TNC: variants seen among roughly 807,000 people sequenced by gnomAD.
The protein encoded by TNC is tenascin C, also known as tenascin.
In TNC, 109 loss-of-function variants were observed where a neutral mutation model predicts 202.4. The observed-to-expected ratio is 0.54, with a 90% CI of 0.46 to 0.63. The LOEUF is 0.63. TNC is among the 30% of genes least tolerant of loss of function. The probability of loss-of-function intolerance (pLI) is 0.00; values close to 1 mark genes in which losing one functional copy is unlikely to be tolerated. For synonymous variants in TNC, 1,007 were observed against 1,089.7 expected, an observed-to-expected ratio of 0.92 and a Z score of 1.50; for missense variants, 2,756 against 2,833.3, an observed-to-expected ratio of 0.97 and a Z score of 0.62.
In TNC at chr9:115,046,500, C is replaced by T. The variant is rs755283024; in HGVS notation, c.5035G>A (p.Gly1679Ser). 6.2e-7 allele frequency: 1 copy of T among 1,614,174 alleles called. No individual in the cohort carries two copies. The highest frequency in any genetic ancestry group is 1.3e-5 in the African/African-American group (1 of 75,048). The change falls in exon 17 of 28, where the codon GGT becomes AGT. Residue 1679 changes from glycine (G) to serine (S), a missense_variant. Gly to Ser is a moderately conservative substitution (Grantham distance 56, BLOSUM62 0). This residue lies in a region of TNC where 2,559 missense variants were observed against 2,546.0 expected (regional missense o/e 1.01). Transcript: ENST00000350763. ...LAPERTRDIT[G>S]LREATEYEIE... ...TCGTATTCAGTAGCCTCTCTGAGACCTGTTATGTCCCTGGTACGTTCGGGG... is the reference window on the plus strand; with the variant it reads ...TCGTATTCAGTAGCCTCTCTGAGACTTGTTATGTCCCTGGTACGTTCGGGG...
intron 14 of TNC, among the ~76,000 whole-genome samples, chr9:115,058,066 C>T (rs1187864046): frequency 6.6e-6 from 1 of 152,174 alleles, no homozygotes; most frequent in Non-Finnish European, 1.5e-5. Flanking sequence ...AGCTTGTCCT[C>T]TCTTAACTGC....
chr9:115,022,976 C>T (rs1378889774), intron 27 of TNC, among the ~76,000 whole-genome samples: 5 of 150,938 alleles, frequency 3.3e-5, no homozygotes, highest in East Asian at 1.9e-4. Flanking sequence ...TGTCAGGAAT[C>T]GCTTGTGGAG....
Position 115,091,024 on chromosome 9 carries a change from A to T in TNC, c.-6T>A, listed in dbSNP as rs1835191660. 6.2e-7 allele frequency: 1 copy of T among 1,607,068 alleles called. No homozygotes were observed. Among genetic ancestry groups the T allele is most frequent in the Non-Finnish European group, 8.5e-7 (1 of 1,179,300 alleles). On this transcript the variant is annotated 5_prime_UTR_variant, in exon 2 of 28. Coordinates refer to ENST00000350763, the MANE Select transcript of TNC (RefSeq NM_002160.4). ...AGCTGAGTCATGGCCCCCATGGTGG[A>T]GGTGGGTTTGGCTGGGTGCTGCTGG... is the stretch of plus-strand genomic sequence containing the variant.
At position 115,029,416 on chromosome 9, in the gene TNC, T is replaced by C. The variant is rs146598569; in HGVS notation, c.6113A>G (p.Gln2038Arg). ...TCCAGCAGCATATGCCTTCCAGTTT[T>C]GGTAGAAGTTCTCGCGTCCGTTTTT... ...RRKNGRENFY[Q>R]NWKAYAAGFG... The change falls in exon 25 of 28, where the codon CAA (glutamine) becomes CGA (arginine). Residue 2038 changes from glutamine (Q) to arginine (R), a missense_variant. Transcript: ENST00000350763. 4 of 1,614,158 alleles carry C rather than the reference T, an allele frequency of 2.5e-6. No individual in the cohort carries two copies. Among genetic ancestry groups the C allele is most frequent in the South Asian group, 1.1e-5 (1 of 91,078 alleles).
At position 115,086,361 on chromosome 9, in the gene TNC, T is replaced by G. The variant is rs1367300613; in HGVS notation, c.1370A>C (p.Glu457Ala). ...GCAGTCATAGCCCTTGAAGCCTTGC[T>G]CACATACACATTTGCCCTCGACACA... ...GRCVEGKCVC[E>A]QGFKGYDCSD... The change falls in exon 3 of 28, where the codon GAG (glutamate) becomes GCG (alanine). Residue 457 changes from glutamate to alanine, a missense_variant. Physicochemically the swap from Glu to Ala is moderately radical, Grantham distance 107. This residue lies in a region of TNC where 2,559 missense variants were observed against 2,546.0 expected (regional missense o/e 1.01). Coordinates refer to ENST00000350763, the MANE Select transcript of TNC (RefSeq NM_002160.4). 3 of 1,613,998 alleles carry G rather than the reference T, an allele frequency of 1.9e-6. No homozygotes were observed. The highest frequency in any genetic ancestry group is 1.3e-5 in the African/African-American group (1 of 74,922).
At chr9:115,079,160 T>C (rs1302939002) in intron 6 of TNC, among the ~76,000 whole-genome samples, 3 of 152,046 alleles carry the variant, frequency 2.0e-5, no homozygotes, top group South Asian at 2.1e-4. Context: ...TCTTTTAAAT[T>C]CCCAGCAGAG....
Position 115,084,269 on chromosome 9 carries a change from G to A in TNC, c.2071C>T (p.Arg691Cys), listed in dbSNP as rs753910681. 5.6e-6 allele frequency: 9 copies of A among 1,613,978 alleles called. No individual in the cohort carries two copies. The highest frequency in any genetic ancestry group is 5.0e-5 in the Admixed American group (3 of 60,002). ...ELEPGVEYFI[R>C]VFAILENKKS... ...TTGTTCTCCAGGATGGCAAATACACGGATAAAGTACTCCACACCAGGCTCC... is the reference window on the plus strand; with the variant it reads ...TTGTTCTCCAGGATGGCAAATACACAGATAAAGTACTCCACACCAGGCTCC... Residue 691 changes from arginine (R) to cysteine (C), a missense_variant, in exon 4 of 28, where the codon CGT becomes TGT. Arg to Cys is a radical substitution (Grantham distance 180). This residue lies in a region of TNC where 2,559 missense variants were observed against 2,546.0 expected (regional missense o/e 1.01). Transcript: ENST00000350763.
chr9:115,117,557 ACTC>A (rs1485801805), intron 1 of TNC, among the ~76,000 whole-genome samples: 1 of 152,036 alleles, frequency 6.6e-6, no homozygotes, highest in East Asian at 1.9e-4. Flanking sequence ...TTCTCCCTGC[ACTC>A]CTCTATCAAA....
Position 115,082,688 on chromosome 9 carries a change from T to C in TNC, c.2247+4A>G, listed in dbSNP as rs1442336596. On this transcript the variant is annotated splice_donor_region_variant and intron_variant, in intron 5 of 27. Coordinates refer to ENST00000350763, the MANE Select transcript of TNC (RefSeq NM_002160.4). ...AAATGGATCTGCTCTTTTGTACTCC[T>C]TACCATATTCCGGAAGATGATCTCC... 1 of 1,598,648 alleles carries C rather than the reference T, an allele frequency of 6.3e-7. No homozygotes were observed. The highest frequency in any genetic ancestry group is 8.6e-7 in the Non-Finnish European group (1 of 1,165,982).
intron 6 of TNC, among the ~76,000 whole-genome samples, 198 bp downstream of exon 6, chr9:115,081,574 T>TA (rs1834307164): frequency 6.6e-6 from 1 of 152,170 alleles, no homozygotes; most frequent in South Asian, 2.1e-4. Flanking sequence ...CAAGAACAGA[T>TA]AAGCTGCTCA....
chr9:115,103,748 A>T (rs945271286), intron 1 of TNC, among the ~76,000 whole-genome samples: 4 of 152,194 alleles, frequency 2.6e-5, no homozygotes, highest in Non-Finnish European at 5.9e-5. Flanking sequence ...GGCCAACATT[A>T]AGTACAAACC....
intron 1 of TNC, among the ~76,000 whole-genome samples, chr9:115,109,243 A>G (rs1248988543): frequency 6.6e-6 from 1 of 152,232 alleles, no homozygotes; most frequent in Non-Finnish European, 1.5e-5. Flanking sequence ...AACAATGACA[A>G]CAACAAAACA....
At position 115,073,628 on chromosome 9, in the gene TNC, C is replaced by A. The variant is rs1255023169; in HGVS notation, c.3189G>T (p.Lys1063Asn). The change falls in exon 10 of 28, where the codon AAG becomes AAT. Residue 1063 changes from lysine (K) to asparagine (N), a missense_variant. By Grantham distance (94) the Lys-to-Asn change is moderately conservative. This residue lies in a region of TNC where 2,559 missense variants were observed against 2,546.0 expected (regional missense o/e 1.01). Coordinates refer to ENST00000350763, the MANE Select transcript of TNC (RefSeq NM_002160.4). ...CAGTGGATGCCTTCACACGTGCGGG[C>A]TTGCTCTTGTGTCTGCCTTTCTCGG... ...LTAEKGRHKSKPARVKASTEQ... is the reference protein window; with the variant it reads ...LTAEKGRHKSNPARVKASTEQ... 6.2e-7 allele frequency: 1 copy of A among 1,614,120 alleles called. No individual in the cohort carries two copies. The highest frequency in any genetic ancestry group is 1.1e-5 in the South Asian group (1 of 91,080).
rs1479758200 is a variant in TNC, at chr9:115,090,436, G to C, written c.457+126C>G. Reference sequence around the variant, plus strand: ...ACTTATTTGAACATAAAATCTCTTTGTAATGAACACTCTGGGAAGCTAGTT... The same window carrying C: ...ACTTATTTGAACATAAAATCTCTTTCTAATGAACACTCTGGGAAGCTAGTT... On this transcript the variant is annotated intron_variant, in intron 2 of 27. Transcript: ENST00000350763. 8 of 731,112 alleles carry C rather than the reference G, an allele frequency of 1.1e-5. No individual in the cohort carries two copies. In the South Asian group the frequency reaches 1.7e-4, roughly 15 times the overall value. 45.3% of individuals were successfully genotyped at this position (731,112 alleles called of 1,614,324 possible).
intron 7 of TNC, 116 bp downstream of exon 7, chr9:115,077,827 A>G: frequency 5.6e-6 from 6 of 1,071,054 alleles, no homozygotes; most frequent in Non-Finnish European, 8.0e-6. Flanking sequence ...GAGTAGAAAT[A>G]CCCCTTTCAT....
At chr9:115,076,786 T>TG (rs1439913181) in intron 7 of TNC, among the ~76,000 whole-genome samples, 3 of 152,220 alleles carry the variant, frequency 2.0e-5, no homozygotes, top group Non-Finnish European at 4.4e-5. Flanking sequence ...GTGCGACACT[T>TG]TAGTCATTTG....
chr9:115,048,298 C>T lies in TNC; in HGVS notation c.4814G>A (p.Gly1605Glu). ...YEVMVSGFTQ[G>E]HQTKPLRAEI... ...AGCCCTCAAGGGCTTGGTTTGATGC[C>T]CTTGGGTGAAGCCAGAGACCATAAC... Residue 1605 changes from glycine (G) to glutamate (E), a missense_variant, in exon 16 of 28, where the codon GGG (glycine) becomes GAG (glutamate). Coordinates refer to ENST00000350763, the MANE Select transcript of TNC (RefSeq NM_002160.4). 1 of 1,613,952 alleles carries T rather than the reference C, an allele frequency of 6.2e-7. No individual in the cohort carries two copies. The highest frequency in any genetic ancestry group is 1.1e-5 in the South Asian group (1 of 91,064).
At chr9:115,090,384 C>T (rs1835127372) in intron 2 of TNC, among the ~76,000 whole-genome samples, 178 bp downstream of exon 2, 1 of 152,176 alleles carries the variant, frequency 6.6e-6, no homozygotes, top group African/African-American at 2.4e-5. Flanking sequence ...CTCCTCCAAG[C>T]AGGAGAGAGA....
chr9:115,039,898 C>T (rs769954440), intron 19 of TNC, among the ~76,000 whole-genome samples: 18 of 152,274 alleles, frequency 1.2e-4, no homozygotes, highest in African/African-American at 2.6e-4. Context: ...GCAGGGTGGA[C>T]GGGACTCTGG....
Sources: allele counts gnomAD v4.1 joint callset (sites outside exome capture counted in the v4.1 genomes callset), GRCh38; gene constraint gnomAD v4.1.1; regional missense constraint gnomAD v4.1.1; transcripts MANE v1.5; gene names NCBI Gene and HGNC (gene_info 2026-07-23, HGNC 2026-07-21).